SNTG1: variants seen among roughly 807,000 people sequenced by gnomAD.
The protein encoded by SNTG1 is gamma-1-syntrophin.
In SNTG1, 39 loss-of-function variants were observed where a neutral mutation model predicts 74.7. The ratio of observed to expected loss-of-function variants is 0.52; its 90% CI spans 0.40 to 0.68. SNTG1 has a LOEUF of 0.68. Among genes scored for constraint, SNTG1 ranks in the 30% least tolerant of loss-of-function variants. SNTG1 has a pLI of 0.00. For synonymous variants in SNTG1, 254 were observed against 217.1 expected (o/e 1.17, Z -1.49); for missense variants, 685 against 609.5 (o/e 1.12, Z -1.30).
chr8:50,763,621 C>T (rs1347131729), intron 18 of SNTG1, among the ~76,000 whole-genome samples: 4 of 147,640 alleles, frequency 2.7e-5, no homozygotes, highest in Non-Finnish European at 6.0e-5. Context: ...TCTCCAGCTA[C>T]ACTCTTTTGG....
At chr8:50,225,437 C>T (rs1163239616) in intron 2 of SNTG1, among the ~76,000 whole-genome samples, 4 of 152,092 alleles carry the variant, frequency 2.6e-5, no homozygotes. Flanking sequence ...TTTGAATTCA[C>T]CTATGACCTG....
chr8:50,484,170 T>C (rs1362406128), intron 8 of SNTG1, among the ~76,000 whole-genome samples: 1 of 98,870 alleles, frequency 1.0e-5, no homozygotes, highest in African/African-American at 3.1e-5. Flanking sequence ...CCTTCCTTCC[T>C]TCCTTCCTTC....
chr8:50,286,309 C>A (rs77587345), intron 2 of SNTG1, among the ~76,000 whole-genome samples: 7,974 of 152,204 alleles, frequency 0.052, 235 homozygotes, highest in Middle Eastern at 0.12. Context: ...TTGTTTCAAC[C>A]TATGTGGGGG....
chr8:50,361,270 G>A lies in SNTG1; in HGVS notation c.-27-32942G>A, dbSNP rs370300742. On this transcript the variant is annotated intron_variant, in intron 2 of 18. Transcript: ENST00000642720. ...TTGTCCCACTGGAAAGTCTTCAGGG[G>A]CATTAACAGCCATGGAACTCTCATC... 4.6e-5 allele frequency among the ~76,000 whole-genome samples: 7 copies of A among 152,222 alleles called. 2 individuals carry two copies. The highest frequency in any genetic ancestry group is 6.5e-5 in the Admixed American group (1 of 15,288).
chr8:50,618,240 T>A (rs1296002295), intron 13 of SNTG1, among the ~76,000 whole-genome samples: 1 of 152,178 alleles, frequency 6.6e-6, no homozygotes, highest in Non-Finnish European at 1.5e-5. Flanking sequence ...AATACCTAAA[T>A]ATACCTGTAA....
At chr8:50,026,892 T>C (rs932971560) in intron 1 of SNTG1, among the ~76,000 whole-genome samples, 6 of 152,134 alleles carry the variant, frequency 3.9e-5, no homozygotes, top group Non-Finnish European at 8.8e-5. Context: ...ATTAAACATG[T>C]AGATAAGTCA....
intron 17 of SNTG1, among the ~76,000 whole-genome samples, chr8:50,734,933 A>G (rs1343953048): frequency 4.2e-5 from 6 of 142,252 alleles, no homozygotes; most frequent in Admixed American, 3.6e-4. Context: ...ATATACATAT[A>G]TAGATATATA....
chr8:50,466,664 G>A (rs1027827681), intron 8 of SNTG1, among the ~76,000 whole-genome samples: 1 of 151,954 alleles, frequency 6.6e-6, no homozygotes, highest in Non-Finnish European at 1.5e-5. Context: ...TCGAATCCAT[G>A]AACATGGAAC....
chr8:50,453,761 A>G (rs1219469358), intron 8 of SNTG1, among the ~76,000 whole-genome samples: 1 of 152,114 alleles, frequency 6.6e-6, no homozygotes, highest in Non-Finnish European at 1.5e-5. Context: ...TCTTCTCCCT[A>G]TTCCCCCTCC....
At chr8:50,650,247 A>G (rs1379659954) in intron 13 of SNTG1, among the ~76,000 whole-genome samples, 1 of 152,030 alleles carries the variant, frequency 6.6e-6, no homozygotes, top group Non-Finnish European at 1.5e-5. Flanking sequence ...TTTTTTGAGT[A>G]TGTGATTTTA....
chr8:50,451,467 T>TTG (rs1379594142), intron 8 of SNTG1, among the ~76,000 whole-genome samples: 1 of 151,690 alleles, frequency 6.6e-6, no homozygotes. Flanking sequence ...GTGTGTGAGT[T>TTG]TGTGTGTTTC....
intron 2 of SNTG1, among the ~76,000 whole-genome samples, chr8:50,382,596 A>T (rs2092507095): frequency 6.6e-6 from 1 of 152,168 alleles, no homozygotes; most frequent in East Asian, 1.9e-4. Flanking sequence ...GATTGACAGT[A>T]TTTTTTTCTA....
chr8:50,103,776 G>T (rs559279681), intron 1 of SNTG1, among the ~76,000 whole-genome samples: 1 of 152,262 alleles, frequency 6.6e-6, no homozygotes, highest in South Asian at 2.1e-4. Flanking sequence ...ATGAAGAGTT[G>T]TTGAATTTTG....
At position 50,235,479 on chromosome 8, in the gene SNTG1, A is replaced by G. The variant is rs150087135; in HGVS notation, c.-28+62844A>G. 1.7e-3 allele frequency among the ~76,000 whole-genome samples: 257 copies of G among 152,316 alleles called. 1 individual carries two copies. Among genetic ancestry groups the G allele is most frequent in the Non-Finnish European group, 1.7e-3 (117 of 68,028 alleles). On this transcript the variant is annotated intron_variant, in intron 2 of 18. Transcript: ENST00000642720. The stretch of plus-strand genomic sequence containing the variant: ...CAAATACATACAATTTTATCTGTCA[A>G]TTTAAAATAAAAACAAAAATTATGA...
At chr8:50,022,049 A>T (rs2130682688) in intron 1 of SNTG1, among the ~76,000 whole-genome samples, 1 of 152,312 alleles carries the variant, frequency 6.6e-6, no homozygotes, top group South Asian at 2.1e-4. Flanking sequence ...GCAACACAGT[A>T]ATTCAAAAAT....
chr8:50,528,823 G>T (rs1015500006), intron 9 of SNTG1, among the ~76,000 whole-genome samples: 2 of 150,132 alleles, frequency 1.3e-5, no homozygotes, highest in Non-Finnish European at 3.0e-5. Context: ...TTTGCTATGG[G>T]TTTATCTAAT....
intron 17 of SNTG1, among the ~76,000 whole-genome samples, chr8:50,751,544 T>C (rs1166979910): frequency 6.6e-6 from 1 of 152,052 alleles, no homozygotes; most frequent in Non-Finnish European, 1.5e-5. Flanking sequence ...TATAAAATGC[T>C]TATTCTGCAT....
At chr8:50,407,957 A>C (rs1451107211) in intron 4 of SNTG1, among the ~76,000 whole-genome samples, 1 of 152,168 alleles carries the variant, frequency 6.6e-6, no homozygotes, top group Non-Finnish European at 1.5e-5. Flanking sequence ...ACTAGAATGC[A>C]AAGTCTGAAA....
At chr8:49,971,221 C>T (rs1811639856) in intron 1 of SNTG1, among the ~76,000 whole-genome samples, 1 of 152,002 alleles carries the variant, frequency 6.6e-6, no homozygotes, top group East Asian at 1.9e-4. Flanking sequence ...CAACATATGC[C>T]AATCAATAAA....
Sources: allele counts gnomAD v4.1 joint callset (sites outside exome capture counted in the v4.1 genomes callset), GRCh38; gene constraint gnomAD v4.1.1; transcripts MANE v1.5; gene names NCBI Gene and HGNC (gene_info 2026-07-23, HGNC 2026-07-21).